The following PCDHA3 variants were observed in gnomAD, a reference collection of about 807,000 sequenced individuals.
PCDHA3 encodes protocadherin alpha 3.
A neutral mutation model predicts 62.2 loss-of-function variants in PCDHA3; 41 were observed. The observed-to-expected ratio is 0.66, with a 90% CI of 0.51 to 0.86. PCDHA3 has a LOEUF of 0.86. Among genes scored for constraint, PCDHA3 ranks in the 40% least tolerant of loss-of-function variants. The pLI is 0.00. For missense variants in PCDHA3, 1,304 were observed against 1,241.2 expected (o/e 1.05, Z -0.76); for synonymous variants, 640 against 555.4 (o/e 1.15, Z -2.14).
Position 140,802,776 on chromosome 5 carries a change from G to A in PCDHA3, c.1579G>A (p.Glu527Lys), listed in dbSNP as rs1017296773. The change falls in exon 1 of 4, where the codon GAG becomes AAG. Residue 527 changes from glutamate (E) to lysine (K), a missense_variant. Physicochemically the swap from Glu to Lys is moderately conservative, Grantham distance 56. Transcript: ENST00000522353. ...CGCGCTGCAGCCGCTGGACCACGAG[G>A]AGCTAGAGCTGCTGCAGTTCCAGGT... The part of the protein sequence containing the change: ...VYALQPLDHE[E>K]LELLQFQVSA... 3.1e-6 allele frequency: 5 copies of A among 1,613,170 alleles called. No individual in the cohort carries two copies. Among genetic ancestry groups the A allele is most frequent in the Admixed American group, 1.7e-5 (1 of 60,026 alleles).
At chr5:140,875,647 C>T (rs1554167823) in intron 1 of PCDHA3, 1 of 1,613,694 alleles carries the variant, frequency 6.2e-7, no homozygotes, top group Non-Finnish European at 8.5e-7. Context: ...GCTGGCGGAG[C>T]TGGTGCCGCG....
intron 1 of PCDHA3, chr5:140,849,341 C>G: frequency 7.1e-7 from 1 of 1,407,916 alleles, no homozygotes; most frequent in African/African-American, 1.6e-5. Flanking sequence ...ACTCCTTCTC[C>G]AGTGATGTTT....
chr5:140,971,537 G>T (rs1414023721), intron 1 of PCDHA3, among the ~76,000 whole-genome samples: 1 of 152,136 alleles, frequency 6.6e-6, no homozygotes, highest in Non-Finnish European at 1.5e-5. Flanking sequence ...AGTCATCATT[G>T]CCAGATCAAC....
In PCDHA3 at chr5:140,855,883, A is replaced by G. The variant is rs2043659343; in HGVS notation, c.2394+52292A>G. 3.2e-6 allele frequency: 3 copies of G among 946,140 alleles called. 1 individual carries two copies. Among genetic ancestry groups the G allele is most frequent in the African/African-American group, 3.3e-5 (2 of 60,716 alleles). 58.6% of individuals were successfully genotyped at this position (946,140 alleles called of 1,614,324 possible). On this transcript the variant is annotated intron_variant, in intron 1 of 3. Coordinates refer to ENST00000522353, the MANE Select transcript of PCDHA3 (RefSeq NM_018906.3). The stretch of plus-strand genomic sequence containing the variant: ...GCTGTCGTCCACAAAATAGCTTTTT[A>G]GAACAAAGGCATCAGCCAGTTTCTC...
chr5:140,967,633 T>G, intron 1 of PCDHA3: 2 of 1,614,106 alleles, frequency 1.2e-6, no homozygotes, highest in Non-Finnish European at 1.7e-6. Flanking sequence ...AGGGCTCCAA[T>G]GGTGAGCTCA....
chr5:140,801,793 A>G lies in PCDHA3; in HGVS notation c.596A>G (p.Asn199Ser). ...IKSLGLVLKK[N>S]LNREDTPKHY... ...TCCCTTGGACTCGTGTTGAAAAAAAATTTAAATCGAGAGGACACTCCTAAG... is the reference window on the plus strand; with the variant it reads ...TCCCTTGGACTCGTGTTGAAAAAAAGTTTAAATCGAGAGGACACTCCTAAG... The change falls in exon 1 of 4, where the codon AAT (asparagine) becomes AGT (serine). Residue 199 changes from asparagine to serine, a missense_variant. Asn to Ser is a conservative substitution (Grantham distance 46, BLOSUM62 1). Transcript: ENST00000522353. 1.2e-6 allele frequency: 2 copies of G among 1,614,032 alleles called. No individual in the cohort carries two copies. Among genetic ancestry groups the G allele is most frequent in the Non-Finnish European group, 1.7e-6 (2 of 1,180,010 alleles).
chr5:140,917,817 T>C (rs2078372214), intron 1 of PCDHA3, among the ~76,000 whole-genome samples: 1 of 152,162 alleles, frequency 6.6e-6, no homozygotes, highest in Non-Finnish European at 1.5e-5. Flanking sequence ...TAGTTGAAGT[T>C]GGGTAGTGTG....
intron 1 of PCDHA3, among the ~76,000 whole-genome samples, chr5:140,899,745 A>G: frequency 6.6e-6 from 1 of 152,214 alleles, no homozygotes; most frequent in Non-Finnish European, 1.5e-5. Flanking sequence ...GAATAGTTTC[A>G]GAAGGAATGG....
At chr5:140,849,641 C>T (rs2150443548) in intron 1 of PCDHA3, 8 of 1,598,742 alleles carry the variant, frequency 5.0e-6, no homozygotes, top group East Asian at 2.2e-5. Flanking sequence ...CAGATGCCAA[C>T]GGGCAGGTTA....
intron 1 of PCDHA3, chr5:140,805,750 A>G (rs1268453068): frequency 4.0e-6 from 1 of 250,110 alleles, no homozygotes; most frequent in Non-Finnish European, 6.3e-6. Flanking sequence ...TGAACTTGAA[A>G]TACATCTTAA....
intron 1 of PCDHA3, among the ~76,000 whole-genome samples, chr5:140,924,534 C>G (rs1488047727): frequency 1.3e-5 from 2 of 152,134 alleles, no homozygotes; most frequent in African/African-American, 2.4e-5. Context: ...AATGCCCGAG[C>G]TACCCCTCTC....
chr5:140,966,864 T>A, intron 1 of PCDHA3: 1 of 1,564,920 alleles, frequency 6.4e-7, no homozygotes. Flanking sequence ...CTGCTGTTGC[T>A]GCTGCTGCTA....
At chr5:140,812,368 C>A (rs1562235048) in intron 1 of PCDHA3, 1 of 151,842 alleles carries the variant, frequency 6.6e-6, no homozygotes, top group East Asian at 1.9e-4. Flanking sequence ...GACTTCCAGT[C>A]TTTTTGTTTT....
At chr5:140,877,990 T>C in intron 1 of PCDHA3, 1 of 1,127,766 alleles carries the variant, frequency 8.9e-7, no homozygotes. Flanking sequence ...TTTTGAACTT[T>C]TATGTATTTG....
At chr5:140,821,886 A>T in intron 1 of PCDHA3, 1 of 1,614,246 alleles carries the variant, frequency 6.2e-7, no homozygotes, top group Non-Finnish European at 8.5e-7. Flanking sequence ...TCCCGGAGGA[A>T]GCCAAACACG....
In PCDHA3 at chr5:140,877,704, C is replaced by T. The variant is rs116613760; in HGVS notation, c.2394+74113C>T. 1.6e-3 allele frequency: 2,639 copies of T among 1,613,952 alleles called. 39 individuals are homozygous for T. The African/African-American group carries it at 0.027, about 17-fold the overall frequency. On this transcript the variant is annotated intron_variant, in intron 1 of 3. Coordinates refer to ENST00000522353, the MANE Select transcript of PCDHA3 (RefSeq NM_018906.3). ...AGCCCACGCTGGTGTGCTCCAGCGC[C>T]GTGGGGAGTTGGTCTTACTCGCAGC...
chr5:140,822,148 A>T, intron 1 of PCDHA3: 1 of 1,614,274 alleles, frequency 6.2e-7, no homozygotes, highest in African/African-American at 1.3e-5. Context: ...AGTGAAGGAC[A>T]TCAATGACAA....
chr5:140,877,276 G>C, intron 1 of PCDHA3: 2 of 1,613,862 alleles, frequency 1.2e-6, no homozygotes, highest in Non-Finnish European at 1.7e-6. Flanking sequence ...CGCTGACTCC[G>C]GCTATAACGC....
At chr5:140,984,408 T>G (rs1394037702) in intron 3 of PCDHA3, among the ~76,000 whole-genome samples, 2 of 152,200 alleles carry the variant, frequency 1.3e-5, no homozygotes, top group African/African-American at 2.4e-5. Flanking sequence ...AACCTATCTT[T>G]TTTACAGAGA....
Sources: gnomAD v4.1 joint callset for allele counts (sites outside exome capture counted in the v4.1 genomes callset) on GRCh38, gnomAD v4.1.1 for gene constraint, MANE v1.5 for transcripts, NCBI Gene and HGNC (gene_info 2026-07-23, HGNC 2026-07-21) for gene names.